Variants in DAB1 observed in about 807,000 individuals in gnomAD.
DAB1 encodes the protein disabled homolog 1.
A neutral mutation model predicts 64.6 loss-of-function variants in DAB1; 15 were observed. The ratio of observed to expected loss-of-function variants is 0.23; its 90% CI spans 0.16 to 0.36. The LOEUF (loss-of-function observed/expected upper bound fraction) is 0.36, where lower values mean the gene tolerates loss of function less well. DAB1 is among the 10% of genes least tolerant of loss of function. The pLI, the probability that DAB1 is intolerant of heterozygous loss-of-function variation, is 1.00. For missense variants in DAB1, 596 were observed against 706.7 expected (o/e 0.84, Z 1.78); for synonymous variants, 235 against 251.9 (o/e 0.93, Z 0.64).
rs61208960 is a variant in DAB1, at chr1:57,546,066, A to AGTGT, written n.625+103522_625+103525dup. On this transcript the variant is annotated intron_variant and non_coding_transcript_variant, in intron 7 of 20. Transcript: ENST00000485760. Reference sequence around the variant, plus strand: ...TAAAGCTAAGAGCTGAGCAGAGGGGAGTGTGTGTGTGTGTGTGTGTGTGTG... The same window carrying AGTGT: ...TAAAGCTAAGAGCTGAGCAGAGGGGAGTGTGTGTGTGTGTGTGTGTGTGTGTGTG... Among the ~76,000 whole-genome samples, 638 of 147,456 alleles carry AGTGT rather than the reference A, an allele frequency of 4.3e-3. 7 individuals are homozygous for AGTGT. Among genetic ancestry groups the AGTGT allele is most frequent in the African/African-American group, 0.016 (614 of 39,454 alleles).
chr1:58,284,540 A>G (rs1661638972), intron 4 of DAB1, among the ~76,000 whole-genome samples: 1 of 152,258 alleles, frequency 6.6e-6, no homozygotes. Context: ...TGTCAGCCTT[A>G]CCTTGTGCCC....
chr1:57,470,838 T>C (rs1687110762), intron 7 of DAB1, among the ~76,000 whole-genome samples: 1 of 152,212 alleles, frequency 6.6e-6, no homozygotes, highest in Non-Finnish European at 1.5e-5. Context: ...ATTCCATATA[T>C]GAAACACAGT....
At chr1:57,267,740 G>C (rs1189318660) in intron 2 of DAB1, among the ~76,000 whole-genome samples, 1 of 152,108 alleles carries the variant, frequency 6.6e-6, no homozygotes, top group Non-Finnish European at 1.5e-5. Flanking sequence ...AAGGGCATGG[G>C]TTTTACTCTT....
chr1:58,497,762 T>C (rs1645828588), intron 3 of DAB1, among the ~76,000 whole-genome samples: 1 of 152,184 alleles, frequency 6.6e-6, no homozygotes, highest in Admixed American at 6.5e-5. Flanking sequence ...ACAATCTACA[T>C]AACAAACCTT....
chr1:57,557,658 T>C (rs973035421), intron 7 of DAB1, among the ~76,000 whole-genome samples: 9 of 152,152 alleles, frequency 5.9e-5, no homozygotes, highest in African/African-American at 2.2e-4. Flanking sequence ...TCTAATAGTA[T>C]GGAGAACACC....
At chr1:57,113,672 T>C (rs977743291) in intron 4 of DAB1, among the ~76,000 whole-genome samples, 3 of 152,210 alleles carry the variant, frequency 2.0e-5, no homozygotes, top group African/African-American at 7.2e-5. Context: ...TTTTCAACCA[T>C]TAAAAAATGT....
intron 4 of DAB1, among the ~76,000 whole-genome samples, chr1:57,086,350 G>T (rs1653071622): frequency 6.6e-6 from 1 of 152,142 alleles, no homozygotes; most frequent in South Asian, 2.1e-4. Context: ...AAGCATCGGG[G>T]AGGTTGGTTC....
At chr1:57,589,119 T>C (rs776806239) in intron 7 of DAB1, among the ~76,000 whole-genome samples, 4 of 152,062 alleles carry the variant, frequency 2.6e-5, no homozygotes, top group Non-Finnish European at 5.9e-5. Context: ...AGCTATAGGC[T>C]AAGGCAGGAG....
chr1:57,248,701 T>A (rs1294458614), intron 2 of DAB1, among the ~76,000 whole-genome samples: 3 of 152,216 alleles, frequency 2.0e-5, no homozygotes, highest in Non-Finnish European at 4.4e-5. Flanking sequence ...TCCCTGATAA[T>A]GCTATTCCTC....
chr1:57,906,506 C>T (rs1265256402), intron 5 of DAB1, among the ~76,000 whole-genome samples: 3 of 152,122 alleles, frequency 2.0e-5, no homozygotes, highest in East Asian at 3.9e-4. Flanking sequence ...TCATGAGATA[C>T]AATCAGGCCG....
In DAB1 at chr1:58,187,961, T is replaced by C. The variant is rs180961722; in HGVS notation, n.310-37373A>G. On this transcript the variant is annotated intron_variant and non_coding_transcript_variant, in intron 4 of 20. Transcript: ENST00000485760. Reference sequence around the variant, plus strand: ...TCTCGCTCTTACACCCAGGCTGGAGTGCAGTCCCTTGGTCTCAGCTCACTG... The same window carrying C: ...TCTCGCTCTTACACCCAGGCTGGAGCGCAGTCCCTTGGTCTCAGCTCACTG... Among the ~76,000 whole-genome samples, 206 of 149,652 alleles carry C rather than the reference T, an allele frequency of 1.4e-3. 1 individual carries two copies. The highest frequency in any genetic ancestry group is 3.9e-3 in the Admixed American group (58 of 14,724).
intron 1 of DAB1, among the ~76,000 whole-genome samples, chr1:57,883,599 T>C (rs1447263650): frequency 1.3e-5 from 2 of 152,200 alleles, no homozygotes; most frequent in Non-Finnish European, 2.9e-5. Flanking sequence ...CTTTTTAAAT[T>C]CCTTGGTGAG....
At chr1:57,441,268 CTTTCTCTTTCTTTCTTTCTTTCTTTCTT>C (rs776881312) in intron 7 of DAB1, among the ~76,000 whole-genome samples, 55,919 of 120,746 alleles carry the variant, frequency 0.46, 13,856 homozygotes, top group Admixed American at 0.58. Flanking sequence ...TCTTTTCTTT[CTTTCTCTTTCTTTCTTTCTTTCTTTCTT>C]TCTTTCTTTC....
At chr1:57,249,218 G>GA (rs5774333) in intron 2 of DAB1, among the ~76,000 whole-genome samples, 1 of 151,870 alleles carries the variant, frequency 6.6e-6, no homozygotes, top group Non-Finnish European at 1.5e-5. Context: ...TATGTATAGA[G>GA]AAAAAAATCC....
chr1:57,507,507 C>A (rs1644357672), intron 7 of DAB1, among the ~76,000 whole-genome samples: 1 of 152,148 alleles, frequency 6.6e-6, no homozygotes, highest in Non-Finnish European at 1.5e-5. Flanking sequence ...ACAGGGTTTA[C>A]ATGTTTGGTG....
chr1:57,148,013 T>A (rs1659314772), intron 2 of DAB1, among the ~76,000 whole-genome samples: 1 of 152,226 alleles, frequency 6.6e-6, no homozygotes, highest in Non-Finnish European at 1.5e-5. Flanking sequence ...CGCAACTTTC[T>A]TATAAAGCCC....
At chr1:58,396,562 GAC>G (rs1644524194) in intron 3 of DAB1, among the ~76,000 whole-genome samples, 1 of 151,910 alleles carries the variant, frequency 6.6e-6, no homozygotes, top group Non-Finnish European at 1.5e-5. Flanking sequence ...CAAAGGGAGA[GAC>G]ACAGAGATAT....
chr1:57,567,501 A>G (rs771994604), intron 7 of DAB1, among the ~76,000 whole-genome samples: 3 of 152,224 alleles, frequency 2.0e-5, no homozygotes, highest in Admixed American at 1.3e-4. Flanking sequence ...CTGCTTGCAG[A>G]TGACATCATT....
chr1:57,252,219 G>A (rs532590778), intron 2 of DAB1, among the ~76,000 whole-genome samples: 3 of 152,218 alleles, frequency 2.0e-5, no homozygotes, highest in South Asian at 2.1e-4. Context: ...AATTATCAGC[G>A]CAAATCTGGC....
Sources: gnomAD v4.1 joint callset for allele counts (sites outside exome capture counted in the v4.1 genomes callset) on GRCh38, gnomAD v4.1.1 for gene constraint, MANE v1.5 for transcripts, NCBI Gene and HGNC (gene_info 2026-07-23, HGNC 2026-07-21) for gene names.